Variants in SMIM36 observed in about 807,000 individuals in gnomAD.
SMIM36 encodes small integral membrane protein 36.
At chr17:55,523,161 G>T in the SMIM36 span, among the ~76,000 whole-genome samples, 1 of 152,048 alleles carries the variant, frequency 6.6e-6, no homozygotes, top group Non-Finnish European at 1.5e-5. Flanking sequence ...TTACCATGAG[G>T]CCATTAAGGT....
chr17:55,501,364 A>AATATATT (rs1304929465), intron 1 of SMIM36, among the ~76,000 whole-genome samples: 1 of 81,098 alleles, frequency 1.2e-5, no homozygotes, highest in Non-Finnish European at 2.0e-5. Flanking sequence ...TATAATATAT[A>AATATATT]ATATATTATA....
At chr17:55,478,068 C>T (rs1325832018) in intron 3 of SMIM36, among the ~76,000 whole-genome samples, 2 of 151,882 alleles carry the variant, frequency 1.3e-5, no homozygotes, top group African/African-American at 4.8e-5. Flanking sequence ...TGATGGTATG[C>T]ACCTGTAGGG....
At chr17:55,520,244 C>A in the SMIM36 span, among the ~76,000 whole-genome samples, 1 of 152,098 alleles carries the variant, frequency 6.6e-6, no homozygotes, top group Non-Finnish European at 1.5e-5. Flanking sequence ...GCATTTTGAG[C>A]CCACCCAGAA....
intron 3 of SMIM36, among the ~76,000 whole-genome samples, chr17:55,469,325 T>G (rs571315404): frequency 6.6e-6 from 1 of 152,338 alleles, no homozygotes; most frequent in South Asian, 2.1e-4. Flanking sequence ...AGGTTAATGC[T>G]GCTTTTTCTT....
intron 4 of SMIM36, among the ~76,000 whole-genome samples, chr17:55,463,525 G>A (rs1197617755): frequency 6.6e-6 from 1 of 152,158 alleles, no homozygotes; most frequent in Non-Finnish European, 1.5e-5. Flanking sequence ...ATTCCTGCCT[G>A]GGTGACAAGA....
intron 3 of SMIM36, among the ~76,000 whole-genome samples, chr17:55,478,094 A>G (rs1374202144): frequency 2.0e-5 from 3 of 151,992 alleles, no homozygotes; most frequent in Non-Finnish European, 2.9e-5. Flanking sequence ...GAGGTGAGAG[A>G]ACCACTTGAA....
At chr17:55,515,683 C>G (rs1016624655), upstream of SMIM36, among the ~76,000 whole-genome samples, 3 of 152,186 alleles carry the variant, frequency 2.0e-5, no homozygotes, top group African/African-American at 7.2e-5. Context: ...AGGCCACCAC[C>G]AGAAACTGGA....
At chr17:55,486,673 T>C (rs537695703) in intron 1 of SMIM36, among the ~76,000 whole-genome samples, 1 of 152,296 alleles carries the variant, frequency 6.6e-6, no homozygotes, top group African/African-American at 2.4e-5. Flanking sequence ...CCCATAAGCG[T>C]GCATCGTGCC....
At chr17:55,495,459 C>T (rs1253714819) in intron 1 of SMIM36, among the ~76,000 whole-genome samples, 1 of 152,142 alleles carries the variant, frequency 6.6e-6, no homozygotes, top group Non-Finnish European at 1.5e-5. Context: ...ATGAGACACA[C>T]TTATAAAAAT....
chr17:55,497,173 T>C (rs1429611749), intron 1 of SMIM36, among the ~76,000 whole-genome samples: 2 of 152,218 alleles, frequency 1.3e-5, no homozygotes, highest in African/African-American at 4.8e-5. Context: ...TCTATTCCTC[T>C]CAATTATACC....
chr17:55,511,122 G>T, exon 1 of SMIM36: 1 of 398,630 alleles, frequency 2.5e-6, no homozygotes, highest in Non-Finnish European at 4.4e-6. Flanking sequence ...CCTTTGGCCA[G>T]TGGGGCCCAG....
the SMIM36 span, among the ~76,000 whole-genome samples, chr17:55,530,349 T>C: frequency 6.6e-6 from 1 of 152,212 alleles, no homozygotes; most frequent in Non-Finnish European, 1.5e-5. Flanking sequence ...CCTTCCTCTC[T>C]GCCATTTACA....
At chr17:55,525,807 G>C in the SMIM36 span, among the ~76,000 whole-genome samples, 2 of 151,966 alleles carry the variant, frequency 1.3e-5, no homozygotes, top group African/African-American at 4.8e-5. Flanking sequence ...ACAGGCAGGC[G>C]CCACCATGCC....
intron 4 of SMIM36, among the ~76,000 whole-genome samples, chr17:55,459,098 G>T (rs1435929334): frequency 6.6e-6 from 1 of 152,114 alleles, no homozygotes; most frequent in Non-Finnish European, 1.5e-5. Flanking sequence ...ACTGCCATGG[G>T]GTCGGAGCCC....
At chr17:55,508,536 G>C (rs1955577494) in intron 1 of SMIM36, among the ~76,000 whole-genome samples, 1 of 147,574 alleles carries the variant, frequency 6.8e-6, no homozygotes, top group South Asian at 2.1e-4. Context: ...CCTTTCATGG[G>C]AATATAAGTA....
At chr17:55,475,030 T>C (rs925858315) in intron 3 of SMIM36, among the ~76,000 whole-genome samples, 4 of 152,048 alleles carry the variant, frequency 2.6e-5, no homozygotes, top group African/African-American at 4.8e-5. Flanking sequence ...TATAGATTCT[T>C]GGTTACAGCT....
Position 55,485,863 on chromosome 17 carries a change from A to G in SMIM36, c.*175-6283T>C, listed in dbSNP as rs116852623. ...TTATATGTCAAGTGAGTTTAAAGCTAGAGTTTGAACTAGGCAGTATATCAC... is the reference window on the plus strand; with the variant it reads ...TTATATGTCAAGTGAGTTTAAAGCTGGAGTTTGAACTAGGCAGTATATCAC... On this transcript the variant is annotated intron_variant, in intron 1 of 4. Coordinates refer to ENST00000636752, the Ensembl canonical transcript of SMIM36. Among the ~76,000 whole-genome samples the G allele has an allele frequency of 4.4e-3, 663 of 152,286 alleles. 9 individuals are homozygous for G. The highest frequency in any genetic ancestry group is 0.021 in the East Asian group (107 of 5,188).
At chr17:55,466,294 A>G (rs1293073228) in intron 4 of SMIM36, among the ~76,000 whole-genome samples, 6 of 149,232 alleles carry the variant, frequency 4.0e-5, no homozygotes, top group East Asian at 3.9e-4. Flanking sequence ...AAAAAAAAAA[A>G]AAAAAAAAGA....
intron 4 of SMIM36, among the ~76,000 whole-genome samples, chr17:55,452,395 T>C (rs930219057): frequency 5.3e-5 from 8 of 152,168 alleles, no homozygotes; most frequent in African/African-American, 1.4e-4. Flanking sequence ...CAGAGTGAAG[T>C]TGCTAACAGA....
Sources: gnomAD v4.1 joint callset for allele counts (sites outside exome capture counted in the v4.1 genomes callset) on GRCh38, gnomAD v4.1.1 for gene constraint, MANE v1.5 for transcripts, NCBI Gene and HGNC (gene_info 2026-07-23, HGNC 2026-07-21) for gene names.